The following C10orf90 variants were observed in gnomAD, a reference collection of about 807,000 sequenced individuals.
C10orf90 encodes the protein (E2-independent) E3 ubiquitin-conjugating enzyme FATS.
A neutral mutation model predicts 62.5 loss-of-function variants in C10orf90; 56 were observed. The ratio of observed to expected loss-of-function variants is 0.90; its 90% CI spans 0.72 to 1.12. C10orf90 has a LOEUF of 1.12. C10orf90 is among the 50% of genes most tolerant of loss of function. The pLI, the probability that C10orf90 is intolerant of heterozygous loss-of-function variation, is 0.00. For synonymous variants in C10orf90, 386 were observed against 340.4 expected, an observed-to-expected ratio of 1.13 and a Z score of -1.47; for missense variants, 970 against 880.4, an observed-to-expected ratio of 1.10 and a Z score of -1.29.
At chr10:126,664,675 A>G (rs978973499) in intron 1 of C10orf90, among the ~76,000 whole-genome samples, 2 of 152,184 alleles carry the variant, frequency 1.3e-5, no homozygotes, top group African/African-American at 4.8e-5. Context: ...ATTTACCAAA[A>G]TGATGTCAGA....
At chr10:126,650,628 A>C (rs1297440539) in intron 1 of C10orf90, among the ~76,000 whole-genome samples, 1 of 152,224 alleles carries the variant, frequency 6.6e-6, no homozygotes, top group Non-Finnish European at 1.5e-5. Flanking sequence ...TATGATTAGG[A>C]TCAAGTACCG....
intron 1 of C10orf90, among the ~76,000 whole-genome samples, chr10:126,660,449 G>A (rs779390638): frequency 2.0e-5 from 3 of 152,194 alleles, no homozygotes; most frequent in Non-Finnish European, 2.9e-5. Flanking sequence ...GCCTCAGACA[G>A]GGACCTGAAG....
intron 4 of C10orf90, among the ~76,000 whole-genome samples, chr10:126,465,738 CT>C (rs1860249856): frequency 6.6e-6 from 1 of 152,166 alleles, no homozygotes; most frequent in Non-Finnish European, 1.5e-5. Flanking sequence ...GGGAACCACC[CT>C]ATGTCCATTG....
In C10orf90 at chr10:126,497,966, CTTG is replaced by C. The variant is rs1041772952; in HGVS notation, c.1534+5988_1534+5990del. Among the ~76,000 whole-genome samples, 12 of 152,324 alleles carry C rather than the reference CTTG, an allele frequency of 7.9e-5. No homozygotes were observed. In the South Asian group the frequency reaches 1.9e-3, roughly 24 times the overall value. On this transcript the variant is annotated intron_variant, in intron 4 of 9. Transcript: ENST00000488181. The stretch of plus-strand genomic sequence containing the variant: ...GCTGATTCTAACACTCTCTGGGTTA[CTTG>C]TTGTTAACAATGAAACAAAACACAA...
chr10:126,504,799 CG>C lies in C10orf90; in HGVS notation c.691del (p.Arg231AlafsTer74), dbSNP rs751000381. 15 of 1,585,682 alleles carry C rather than the reference CG, an allele frequency of 9.5e-6. No individual in the cohort carries two copies. The highest frequency in any genetic ancestry group is 1.3e-5 in the Non-Finnish European group (15 of 1,165,402). Reference protein sequence around the residue: ...PKEERPCGGPRRGFASITITA... With the variant: ...PKEERPCGGPXRGFASITITA... ...GATGGTGATGGATGCAAACCCTCTG[CG>C]GGGGCCCCCACAGGGTCTCTCCTCT... On this transcript the variant is annotated frameshift_variant, in exon 4 of 10. Transcript: ENST00000488181. LOFTEE classifies it high-confidence loss of function. This position sits in a 1 kb window ranked among gnomAD's most constrained non-coding sequence, Gnocchi z 4.1.
At chr10:126,550,536 G>A (rs1864609622) in intron 2 of C10orf90, among the ~76,000 whole-genome samples, 1 of 152,038 alleles carries the variant, frequency 6.6e-6, no homozygotes, top group Non-Finnish European at 1.5e-5. Flanking sequence ...TGGAGACAGG[G>A]TCTCACTCTG....
intron 2 of C10orf90, among the ~76,000 whole-genome samples, chr10:126,547,586 A>G (rs1864531521): frequency 6.6e-6 from 1 of 152,000 alleles, no homozygotes; most frequent in African/African-American, 2.4e-5. Flanking sequence ...CAGCTATGAT[A>G]AAAATGCTTC....
In C10orf90 at chr10:126,504,350, T is replaced by G; in HGVS notation, c.1141A>C (p.Lys381Gln). The change falls in exon 4 of 10, where the codon AAA (lysine) becomes CAA (glutamine). Residue 381 changes from lysine (K) to glutamine (Q), a missense_variant. Lys to Gln is a moderately conservative substitution (Grantham distance 53, BLOSUM62 1). Transcript: ENST00000488181. The surrounding 1 kb of genome is among the most constrained non-coding windows in gnomAD (Gnocchi z 4.1). Reference protein sequence around the residue: ...PIEPPQIASPKMHRSVLSLNL... With the variant: ...PIEPPQIASPQMHRSVLSLNL... The stretch of plus-strand genomic sequence containing the variant: ...AGCGACAGGACGGATCTGTGCATTT[T>G]GGGGCTGGCAATTTGAGGTGGCTCA... The G allele has an allele frequency of 1.9e-6, 3 of 1,614,176 alleles. No individual in the cohort carries two copies. Among genetic ancestry groups the G allele is most frequent in the Non-Finnish European group, 2.5e-6 (3 of 1,180,044 alleles).
At chr10:126,551,371 C>G (rs1004039151) in intron 2 of C10orf90, among the ~76,000 whole-genome samples, 1 of 152,238 alleles carries the variant, frequency 6.6e-6, no homozygotes, top group Admixed American at 6.5e-5. Flanking sequence ...GCTCCTCCCC[C>G]ACTAGACTGG....
intron 1 of C10orf90, among the ~76,000 whole-genome samples, chr10:126,660,037 G>A (rs1009077883): frequency 7.2e-5 from 11 of 152,196 alleles, no homozygotes; most frequent in Admixed American, 3.9e-4. Context: ...TCCAACCTAC[G>A]TGCTTTCAAT....
chr10:126,577,626 TC>T (rs1157909516), intron 2 of C10orf90, among the ~76,000 whole-genome samples: 1 of 152,110 alleles, frequency 6.6e-6, no homozygotes, highest in Non-Finnish European at 1.5e-5. Context: ...TCAACAGTAT[TC>T]CAGCAAAATT....
At chr10:126,521,508 G>C (rs978587521) in intron 2 of C10orf90, 1 of 1,388,926 alleles carries the variant, frequency 7.2e-7, no homozygotes, top group African/African-American at 1.5e-5. Context: ...TGAAGTCACC[G>C]GAATGTTTAC....
At chr10:126,662,462 G>A (rs1006009032) in intron 1 of C10orf90, among the ~76,000 whole-genome samples, 1 of 152,202 alleles carries the variant, frequency 6.6e-6, no homozygotes, top group Non-Finnish European at 1.5e-5. Flanking sequence ...AAGAGGGCCT[G>A]AAGCAAACTT....
At chr10:126,597,230 A>G (rs1361895031) in intron 2 of C10orf90, among the ~76,000 whole-genome samples, 1 of 152,268 alleles carries the variant, frequency 6.6e-6, no homozygotes, top group Non-Finnish European at 1.5e-5. Context: ...ATGAAAGCAT[A>G]TGTCCACAAA....
intron 4 of C10orf90, among the ~76,000 whole-genome samples, chr10:126,493,338 T>C (rs1861862971): frequency 6.8e-6 from 1 of 146,744 alleles, no homozygotes; most frequent in South Asian, 2.1e-4. Context: ...TATTTATATT[T>C]TAAGTTTTAT....
intron 2 of C10orf90, among the ~76,000 whole-genome samples, chr10:126,531,361 A>T (rs187405191): frequency 1.2e-3 from 181 of 152,254 alleles, no homozygotes; most frequent in African/African-American, 4.1e-3. Context: ...TAAAGCAATC[A>T]GGGGTGCTGC....
chr10:126,518,690 A>G (rs888234960), intron 2 of C10orf90, among the ~76,000 whole-genome samples: 5 of 152,282 alleles, frequency 3.3e-5, no homozygotes, highest in Non-Finnish European at 7.4e-5. Flanking sequence ...CTCTGTGCCC[A>G]GGGAGTGTGT....
At chr10:126,548,169 T>G (rs1312302054) in intron 2 of C10orf90, among the ~76,000 whole-genome samples, 2 of 152,158 alleles carry the variant, frequency 1.3e-5, no homozygotes, top group Admixed American at 1.3e-4. Context: ...TCAACAAGAT[T>G]TTTTGTAGAT....
chr10:126,668,435 C>A (rs1405084348), intron 1 of C10orf90, among the ~76,000 whole-genome samples: 1 of 152,188 alleles, frequency 6.6e-6, no homozygotes, highest in Non-Finnish European at 1.5e-5. Context: ...GGTCTCTCAG[C>A]AGTTCAGCTT....
Sources: gnomAD v4.1 joint callset for allele counts (sites outside exome capture counted in the v4.1 genomes callset) on GRCh38, gnomAD v4.1.1 for gene constraint, Gnocchi (gnomAD v3.1) non-coding constraint, MANE v1.5 for transcripts, NCBI Gene and HGNC (gene_info 2026-07-23, HGNC 2026-07-21) for gene names.